The following CEP192 variants were observed in gnomAD, a reference collection of about 807,000 sequenced individuals.
The protein encoded by CEP192 is centrosomal protein of 192 kDa.
In CEP192, 151 loss-of-function variants were observed where a neutral mutation model predicts 271.8. The observed-to-expected ratio is 0.56, with a 90% confidence interval of 0.49 to 0.64. The LOEUF is 0.64. Ranked by LOEUF, CEP192 falls within the 30% of genes least tolerant of loss-of-function variation. CEP192 has a pLI of 0.00. For synonymous variants in CEP192, 995 were observed against 1,076.5 expected, an observed-to-expected ratio of 0.92 and a Z score of 1.48; for missense variants, 2,910 against 3,020.5, an observed-to-expected ratio of 0.96 and a Z score of 0.86.
chr18:13,023,346 T>C (rs1287601373), intron 9 of CEP192, among the ~76,000 whole-genome samples: 2 of 152,192 alleles, frequency 1.3e-5, no homozygotes. Context: ...GAAAGGCTTC[T>C]AGCTTCTTAC....
intron 30 of CEP192, among the ~76,000 whole-genome samples, chr18:13,077,367 A>G (rs367711327): frequency 4.6e-5 from 7 of 152,174 alleles, no homozygotes; most frequent in African/African-American, 1.7e-4. Flanking sequence ...TGGATTTTTG[A>G]ATTAGGGATG....
At chr18:12,998,628 T>A (rs1446790325) in intron 1 of CEP192, among the ~76,000 whole-genome samples, 1 of 152,260 alleles carries the variant, frequency 6.6e-6, no homozygotes, top group Non-Finnish European at 1.5e-5. Flanking sequence ...ATACTCTGCC[T>A]ATAAAAGTTC....
Position 13,048,866 on chromosome 18 carries a change from T to G in CEP192, c.2075T>G (p.Phe692Cys), listed in dbSNP as rs367761725. ...TAATTTTCTCACTTCTAGGACACTT[T>G]CTTCATGAGCAACAAACCCCAAAGA... is the stretch of plus-strand genomic sequence containing the variant. ...TADKGKTEDT[F>C]FMSNKPQRYK... The change falls in exon 16 of 45, where the codon TTC becomes TGC. Residue 692 changes from phenylalanine (F) to cysteine (C), a missense_variant. By Grantham distance (205) the Phe-to-Cys change is radical. Coordinates refer to ENST00000506447, the MANE Select transcript of CEP192 (RefSeq NM_032142.4). The G allele has an allele frequency of 1.2e-5, 19 of 1,593,734 alleles. No individual in the cohort carries two copies. The highest frequency in any genetic ancestry group is 1.5e-5 in the Non-Finnish European group (18 of 1,168,198).
intron 1 of CEP192, among the ~76,000 whole-genome samples, chr18:12,998,357 G>A (rs1335050855): frequency 6.6e-6 from 1 of 152,178 alleles, no homozygotes; most frequent in Admixed American, 6.5e-5. Context: ...ATGCATTGGA[G>A]TATTTGCTAC....
chr18:13,042,277 T>C lies in CEP192; in HGVS notation c.2010T>C (p.Ser670=). ...SITLQVEAVE[S]TSQVDENDVT... Reference sequence around the variant, plus strand: ...CACTTCAGGTTGAAGCAGTAGAGAGTACTTCACAAGTGGATGAAAATGATG... The same window carrying C: ...CACTTCAGGTTGAAGCAGTAGAGAGCACTTCACAAGTGGATGAAAATGATG... The change falls in exon 15 of 45, where the codon AGT becomes AGC. Residue 670 remains serine (S), a synonymous_variant. Coordinates refer to ENST00000506447, the MANE Select transcript of CEP192 (RefSeq NM_032142.4). 1 of 1,613,862 alleles carries C rather than the reference T, an allele frequency of 6.2e-7. No homozygotes were observed.
intron 21 of CEP192, among the ~76,000 whole-genome samples, chr18:13,064,611 CAA>C (rs552202874): frequency 4.3e-4 from 28 of 64,486 alleles, no homozygotes; most frequent in African/African-American, 7.1e-4. Flanking sequence ...GACTCCATCT[CAA>C]AAAAAAAAAA....
intron 34 of CEP192, 47 bp downstream of exon 34, chr18:13,092,574 G>A (rs759326230): frequency 3.6e-6 from 5 of 1,391,554 alleles, no homozygotes; most frequent in South Asian, 2.7e-5. Flanking sequence ...AGGATGATTC[G>A]ATTCATAGCA....
chr18:13,038,529 C>T lies in CEP192; in HGVS notation c.1759C>T (p.Gln587Ter), dbSNP rs1356924750. Residue 587 changes from glutamine (Q) to a stop codon, truncating the protein, a stop_gained, in exon 13 of 45, where the codon CAA (glutamine) becomes TAA (stop). Coordinates refer to ENST00000506447, the MANE Select transcript of CEP192 (RefSeq NM_032142.4). LOFTEE classifies it high-confidence loss of function. The part of the protein sequence containing the change: ...LRLSLGEFFA[Q>*]RSEALGCLGG... Reference sequence around the variant, plus strand: ...TCTGTCTTTAGGAGAGTTCTTTGCTCAAAGATCTGAAGCTCTTGGTTGCCT... The same window carrying T: ...TCTGTCTTTAGGAGAGTTCTTTGCTTAAAGATCTGAAGCTCTTGGTTGCCT... 1.3e-6 allele frequency: 2 copies of T among 1,551,448 alleles called. No individual in the cohort carries two copies. Among genetic ancestry groups the T allele is most frequent in the Non-Finnish European group, 1.7e-6 (2 of 1,146,970 alleles).
rs776859016 is a variant in CEP192, at chr18:13,087,063, G to A, written c.5663G>A (p.Gly1888Asp). The A allele has an allele frequency of 1.2e-6, 2 of 1,612,868 alleles. No individual in the cohort carries two copies. The highest frequency in any genetic ancestry group is 2.2e-5 in the South Asian group (2 of 91,002). ...YGGTSNLILE[G>D]VKKLSDSYMV... The stretch of plus-strand genomic sequence containing the variant: ...GGAACAAGCAATCTTATTTTGGAAG[G>A]CGTTAAAAAATTATCTGACAGTTAC... The change falls in exon 31 of 45, where the codon GGC (glycine) becomes GAC (aspartate). Residue 1888 changes from glycine (G) to aspartate (D), a missense_variant. Gly to Asp is a moderately conservative substitution (Grantham distance 94). Transcript: ENST00000506447.
At chr18:13,084,928 C>T (rs1330327927) in intron 30 of CEP192, among the ~76,000 whole-genome samples, 1 of 151,832 alleles carries the variant, frequency 6.6e-6, no homozygotes, top group Non-Finnish European at 1.5e-5. Context: ...ATTCTCCTGC[C>T]TCTGAGCCTC....
At chr18:13,051,382 C>T (rs957963230) in intron 17 of CEP192, among the ~76,000 whole-genome samples, 1 of 149,768 alleles carries the variant, frequency 6.7e-6, no homozygotes, top group African/African-American at 2.5e-5. Flanking sequence ...TGTGTGTGTG[C>T]GTGTGTGCGG....
chr18:13,025,610 G>A (rs945129232), intron 9 of CEP192, among the ~76,000 whole-genome samples: 1 of 152,168 alleles, frequency 6.6e-6, no homozygotes, highest in South Asian at 2.1e-4. Flanking sequence ...TTTTTTAGTG[G>A]TTGCTCTAGA....
chr18:13,103,492 A>G lies in CEP192; in HGVS notation c.6872-17A>G, dbSNP rs769774194. 1 of 1,601,278 alleles carries G rather than the reference A, an allele frequency of 6.2e-7. No homozygotes were observed. Among genetic ancestry groups the G allele is most frequent in the South Asian group, 1.1e-5 (1 of 90,816 alleles). On this transcript the variant is annotated splice_polypyrimidine_tract_variant and intron_variant, in intron 38 of 44. Transcript: ENST00000506447. ...AGTCTCTCCGAGTTTGAGTTATGAT[A>G]TATGTGTTCCTTTTAGAGAGCTGTC...
At chr18:13,100,858 G>A (rs1458021813) in intron 38 of CEP192, among the ~76,000 whole-genome samples, 3 of 152,176 alleles carry the variant, frequency 2.0e-5, no homozygotes, top group Admixed American at 2.0e-4. Context: ...ACTTACTCAC[G>A]TGACATTGAG....
At chr18:13,094,835 C>G (rs1288796181) in intron 34 of CEP192, among the ~76,000 whole-genome samples, 1 of 152,200 alleles carries the variant, frequency 6.6e-6, no homozygotes, top group African/African-American at 2.4e-5. Context: ...CAGTGCCTTT[C>G]CACATTTATA....
chr18:13,058,778 G>A (rs572875068), intron 20 of CEP192: 21 of 362,592 alleles, frequency 5.8e-5, no homozygotes, highest in South Asian at 5.3e-4. Context: ...AGACTTACAG[G>A]GCTGTGAAAG....
intron 30 of CEP192, among the ~76,000 whole-genome samples, chr18:13,079,968 G>T (rs563094015): frequency 6.6e-6 from 1 of 152,082 alleles, no homozygotes; most frequent in African/African-American, 2.4e-5. Flanking sequence ...TTATTTCTGA[G>T]GCCTCTGTTC....
At position 13,049,223 on chromosome 18, in the gene CEP192, T is replaced by C; in HGVS notation, c.2432T>C (p.Leu811Ser). 6.2e-7 allele frequency: 1 copy of C among 1,614,140 alleles called. No homozygotes were observed. The highest frequency in any genetic ancestry group is 8.5e-7 in the Non-Finnish European group (1 of 1,180,018). Residue 811 changes from leucine (L) to serine (S), a missense_variant, in exon 16 of 45, where the codon TTA becomes TCA. Physicochemically the swap from Leu to Ser is moderately radical, Grantham distance 145 (BLOSUM62 -2). Transcript: ENST00000506447. ...SRASMSDTWD[L>S]SLPKEQTTQD... ...GCTAGTATGTCTGATACTTGGGATT[T>C]ATCTTTGCCCAAAGAACAAACTACT... is the stretch of plus-strand genomic sequence containing the variant.
At chr18:13,078,102 C>CAGGCCCCAGTGTGTT (rs1341044582) in intron 30 of CEP192, among the ~76,000 whole-genome samples, 3 of 152,132 alleles carry the variant, frequency 2.0e-5, no homozygotes, top group African/African-American at 7.2e-5. Flanking sequence ...CACCCCCTGA[C>CAGGCCCCAGTGTGTT]AGGCCCCAGT....
Sources: gnomAD v4.1 joint callset for allele counts (sites outside exome capture counted in the v4.1 genomes callset) on GRCh38, gnomAD v4.1.1 for gene constraint, MANE v1.5 for transcripts, NCBI Gene and HGNC (gene_info 2026-07-23, HGNC 2026-07-21) for gene names.